Variants in RUFY3 observed in about 807,000 individuals in gnomAD.
RUFY3 encodes the protein protein RUFY3.
RUFY3 carries 34 observed loss-of-function variants against 84.0 expected under a neutral mutation model. That is an observed-to-expected ratio of 0.40 (90% confidence interval 0.31 to 0.54). The LOEUF (loss-of-function observed/expected upper bound fraction) is 0.54. Ranked by LOEUF, RUFY3 falls within the 20% of genes least tolerant of loss-of-function variation. RUFY3 has a pLI of 0.39. For synonymous variants in RUFY3, 242 were observed against 252.9 expected, an observed-to-expected ratio of 0.96 and a Z score of 0.41; for missense variants, 507 against 736.8, an observed-to-expected ratio of 0.69 and a Z score of 3.61.
chr4:70,794,952 AC>A (rs1393278347), intron 14 of RUFY3, 58 bp downstream of exon 14: 40 of 1,116,824 alleles, frequency 3.6e-5, no homozygotes, highest in Non-Finnish European at 5.0e-5. Flanking sequence ...TTTAGAGGCT[AC>A]CTTGATAGTC....
At chr4:70,801,257 T>C (rs546232162) in intron 15 of RUFY3, among the ~76,000 whole-genome samples, 4 of 151,960 alleles carry the variant, frequency 2.6e-5, no homozygotes, top group South Asian at 2.1e-4. Flanking sequence ...AGTGGACTAC[T>C]CTGTATGATA....
chr4:70,704,629 G>A (rs1459170609), upstream of RUFY3: 3 of 220,228 alleles, frequency 1.4e-5, no homozygotes, highest in Non-Finnish European at 1.8e-5. Context: ...GTGGGAAGAG[G>A]AGGACGCTGC....
chr4:70,807,636 C>T lies in RUFY3; in HGVS notation c.*977C>T, dbSNP rs1042043031. ...CCCGGGCCTCAAGCAATCTTCCCAC[C>T]TTAGCCTCCCAAGTAGCTGGGACTG... On this transcript the variant is annotated 3_prime_UTR_variant, in exon 18 of 18. Coordinates refer to ENST00000381006, the MANE Select transcript of RUFY3 (RefSeq NM_001037442.4). Among the ~76,000 whole-genome samples, 1 of 150,984 alleles carries T rather than the reference C, an allele frequency of 6.6e-6. No individual in the cohort carries two copies. Among genetic ancestry groups the T allele is most frequent in the African/African-American group, 2.4e-5 (1 of 41,068 alleles).
intron 5 of RUFY3, among the ~76,000 whole-genome samples, chr4:70,769,676 A>C (rs1026225036): frequency 3.9e-5 from 6 of 152,166 alleles, no homozygotes; most frequent in African/African-American, 1.4e-4. Flanking sequence ...CATTTTACCC[A>C]CAGTAGAATT....
intron 4 of RUFY3, 144 bp from the exon 5 acceptor site, chr4:70,768,394 G>T: frequency 4.3e-6 from 3 of 689,668 alleles, no homozygotes; most frequent in Non-Finnish European, 4.5e-6. Flanking sequence ...CTTTCTTTTT[G>T]TAGTTTTTTT....
At chr4:70,741,604 C>T (rs771774583) in intron 1 of RUFY3, 56 of 1,511,178 alleles carry the variant, frequency 3.7e-5, no homozygotes, top group Non-Finnish European at 4.6e-5. Context: ...CTTTCTTTTC[C>T]TTTCTTTTTG....
chr4:70,739,378 G>A (rs566761305), intron 1 of RUFY3, among the ~76,000 whole-genome samples: 106 of 152,226 alleles, frequency 7.0e-4, no homozygotes, highest in Non-Finnish European at 1.1e-3. Flanking sequence ...AAATCCAGTT[G>A]TAAGTGTAAA....
At position 70,806,981 on chromosome 4, in the gene RUFY3, G is replaced by A. The variant is rs554645570; in HGVS notation, c.*322G>A. 5.3e-6 allele frequency: 1 copy of A among 189,118 alleles called. No individual in the cohort carries two copies. The highest frequency in any genetic ancestry group is 1.1e-5 in the Non-Finnish European group (1 of 92,238). 11.7% of individuals were successfully genotyped at this position (189,118 alleles called of 1,614,324 possible). ...TAGTGATACTGGGGTGGATTTAATA[G>A]GAGAGAGAATCCAGGCAGATAAGAA... is the stretch of plus-strand genomic sequence containing the variant. On this transcript the variant is annotated 3_prime_UTR_variant, in exon 18 of 18. Transcript: ENST00000381006.
intron 1 of RUFY3, among the ~76,000 whole-genome samples, chr4:70,714,710 C>T (rs781056606): frequency 2.6e-5 from 4 of 152,130 alleles, no homozygotes; most frequent in Non-Finnish European, 5.9e-5. Context: ...TGAGTAGATA[C>T]GTAAGAGGTA....
intron 8 of RUFY3, among the ~76,000 whole-genome samples, chr4:70,778,643 G>C (rs190247221): frequency 6.9e-6 from 1 of 145,562 alleles, no homozygotes; most frequent in Non-Finnish European, 1.5e-5. Flanking sequence ...GCAGTGGCGC[G>C]ATCTTGGCTC....
intron 1 of RUFY3, among the ~76,000 whole-genome samples, chr4:70,744,804 GC>G (rs1721924535): frequency 6.8e-6 from 1 of 148,112 alleles, no homozygotes; most frequent in Non-Finnish European, 1.5e-5. Context: ...ACAGGCACAT[GC>G]CACCACATCT....
upstream of RUFY3, among the ~76,000 whole-genome samples, chr4:70,720,888 CGT>C (rs71210198): frequency 0.19 from 26,522 of 138,192 alleles, 2,397 homozygotes; most frequent in African/African-American, 0.23. Context: ...AATATAGGGC[CGT>C]GTGTGTGTGT....
chr4:70,767,389 C>T (rs1038361933), intron 4 of RUFY3, among the ~76,000 whole-genome samples: 3 of 147,906 alleles, frequency 2.0e-5, no homozygotes, highest in Admixed American at 1.4e-4. Context: ...GGATTGCAGG[C>T]GTGAGCCACT....
At chr4:70,792,342 A>C in intron 12 of RUFY3, 12 of 971,022 alleles carry the variant, frequency 1.2e-5, no homozygotes, top group Non-Finnish European at 1.5e-5. Flanking sequence ...AAAACATTTC[A>C]GAATAGGAAG....
intron 1 of RUFY3, among the ~76,000 whole-genome samples, chr4:70,727,039 C>CTTTTTT: frequency 8.8e-6 from 1 of 113,300 alleles, no homozygotes; most frequent in Non-Finnish European, 1.9e-5. Flanking sequence ...GATTTCTTTC[C>CTTTTTT]TTTTTTTTTT....
chr4:70,721,893 T>C, upstream of RUFY3: 1 of 1,231,008 alleles, frequency 8.1e-7, no homozygotes. Context: ...CAGCAGCATC[T>C]ATAAAGCATC....
chr4:70,806,420 A>T, intron 17 of RUFY3, 96 bp from the exon 18 acceptor site: 1 of 1,324,198 alleles, frequency 7.6e-7, no homozygotes, highest in Non-Finnish European at 1.1e-6. Flanking sequence ...TTGTTTGATT[A>T]GGCATTGAGC....
chr4:70,720,871 A>G (rs1375620357), upstream of RUFY3, among the ~76,000 whole-genome samples: 1 of 147,982 alleles, frequency 6.8e-6, no homozygotes, highest in Non-Finnish European at 1.5e-5. Flanking sequence ...TAAATGCCTC[A>G]TTGGATAATA....
chr4:70,787,190 ATATAT>A (rs1730003512), intron 10 of RUFY3, among the ~76,000 whole-genome samples: 1 of 64,146 alleles, frequency 1.6e-5, no homozygotes, highest in Non-Finnish European at 2.9e-5. Flanking sequence ...AAAAAAAAAT[ATATAT>A]ATATATATAT....
Sources: gnomAD v4.1 joint callset for allele counts (sites outside exome capture counted in the v4.1 genomes callset) on GRCh38, gnomAD v4.1.1 for gene constraint, MANE v1.5 for transcripts, NCBI Gene and HGNC (gene_info 2026-07-23, HGNC 2026-07-21) for gene names.